Variants in CCDC73 observed in about 807,000 individuals in gnomAD.
CCDC73 encodes the protein coiled-coil domain-containing protein 73.
CCDC73 carries 95 observed loss-of-function variants against 116.5 expected under a neutral mutation model. The ratio of observed to expected loss-of-function variants is 0.82; its 90% CI spans 0.69 to 0.97. CCDC73 has a LOEUF of 0.97. CCDC73 is among the 50% of genes least tolerant of loss of function. The pLI, the probability that CCDC73 is intolerant of heterozygous loss-of-function variation, is 0.00. For synonymous variants in CCDC73, 398 were observed against 401.3 expected (o/e 0.99, Z 0.10); for missense variants, 1,066 against 1,206.8 (o/e 0.88, Z 1.73).
chr11:32,635,079 T>C (rs1232435381), intron 14 of CCDC73, among the ~76,000 whole-genome samples: 1 of 152,204 alleles, frequency 6.6e-6, no homozygotes, highest in Non-Finnish European at 1.5e-5. Flanking sequence ...CCAAGACCTA[T>C]ATGATAAAAA....
In CCDC73 at chr11:32,602,925, G is replaced by C. The variant is rs777936378; in HGVS notation, c.3126C>G (p.Ser1042Arg). The change falls in exon 18 of 18, where the codon AGC becomes AGG. Residue 1042 changes from serine to arginine, a missense_variant. By Grantham distance (110) the Ser-to-Arg change is moderately radical. Coordinates refer to ENST00000335185, the MANE Select transcript of CCDC73 (RefSeq NM_001008391.4). ...TTTTATTTAGTTGATTCGTAATGAG[G>C]CTCTGCCAGTCATCATCACCAGAAG... ...KNTSGDDDWQ[S>R]LITNQLNKSE... is the part of the protein sequence containing the mutation. 15 of 1,612,938 alleles carry C rather than the reference G, an allele frequency of 9.3e-6. No individual in the cohort carries two copies. Among genetic ancestry groups the C allele is most frequent in the Non-Finnish European group, 1.3e-5 (15 of 1,179,256 alleles).
At chr11:32,787,830 A>G (rs1319393109) in intron 1 of CCDC73, among the ~76,000 whole-genome samples, 4 of 152,212 alleles carry the variant, frequency 2.6e-5, no homozygotes, top group African/African-American at 7.2e-5. Flanking sequence ...CATGAATTAT[A>G]TGATCTGGGA....
intron 7 of CCDC73, chr11:32,682,118 T>G (rs1224785301): frequency 6.6e-6 from 1 of 151,872 alleles, no homozygotes; most frequent in Non-Finnish European, 1.5e-5. Context: ...TTCCATGTTT[T>G]TTTTTAAAGA....
chr11:32,665,341 C>G (rs563395807), intron 9 of CCDC73, among the ~76,000 whole-genome samples: 125 of 152,174 alleles, frequency 8.2e-4, no homozygotes, highest in African/African-American at 2.9e-3. Context: ...TCTGGGTGCT[C>G]CTGTATTGGG....
chr11:32,810,655 C>T, the CCDC73 span, among the ~76,000 whole-genome samples: 1 of 152,156 alleles, frequency 6.6e-6, no homozygotes, highest in East Asian at 1.9e-4. Flanking sequence ...TGTAACGTTT[C>T]TCAATTTTCT....
chr11:32,757,163 C>G (rs1850351267), intron 2 of CCDC73, among the ~76,000 whole-genome samples: 1 of 151,730 alleles, frequency 6.6e-6, no homozygotes, highest in South Asian at 2.1e-4. Context: ...CTCAAAAATA[C>G]TACACTGAGT....
chr11:32,644,159 A>G (rs1170494534), intron 12 of CCDC73, among the ~76,000 whole-genome samples: 1 of 152,218 alleles, frequency 6.6e-6, no homozygotes, highest in Non-Finnish European at 1.5e-5. Context: ...ACAGCCATAA[A>G]AAGAGTGAGA....
chr11:32,764,263 C>T (rs1397157020), intron 1 of CCDC73, among the ~76,000 whole-genome samples: 1 of 152,118 alleles, frequency 6.6e-6, no homozygotes, highest in Admixed American at 6.5e-5. Flanking sequence ...ATACAGAGAA[C>T]ACCACAAAGA....
chr11:32,789,608 C>T (rs954180222), intron 1 of CCDC73, among the ~76,000 whole-genome samples: 3 of 137,526 alleles, frequency 2.2e-5, no homozygotes, highest in East Asian at 5.4e-4. Flanking sequence ...CACATCTCTA[C>T]AAAAAAACAA....
rs1855289340 is a variant in CCDC73 at position 32,602,722 on chromosome 11, A to G, written c.*89T>C. On this transcript the variant is annotated 3_prime_UTR_variant, in exon 18 of 18. Coordinates refer to ENST00000335185, the MANE Select transcript of CCDC73 (RefSeq NM_001008391.4). ...TTGGAAAAGCAAAGACAAACTGTAG[A>G]GCTTTAAATACAACAGTCATTTTAT... The G allele has an allele frequency of 3.8e-6, 4 of 1,040,860 alleles. No individual in the cohort carries two copies. The highest frequency in any genetic ancestry group is 1.8e-5 in the South Asian group (1 of 56,906). The allele number at this position is 1,040,860 out of a possible 1,614,324, so 64.5% of individuals were successfully genotyped here.
chr11:32,767,746 GA>G (rs1267778249), intron 1 of CCDC73, among the ~76,000 whole-genome samples: 3 of 152,234 alleles, frequency 2.0e-5, no homozygotes, highest in Admixed American at 2.0e-4. Context: ...GGCCATCAGA[GA>G]AATGCAAATC....
intron 1 of CCDC73, among the ~76,000 whole-genome samples, chr11:32,780,072 G>A (rs966719049): frequency 1.3e-5 from 2 of 151,984 alleles, no homozygotes; most frequent in East Asian, 1.9e-4. Context: ...CCAGGAGTTC[G>A]AAACGAACCT....
At chr11:32,672,927 T>A (rs1029755564) in intron 9 of CCDC73, among the ~76,000 whole-genome samples, 1 of 152,196 alleles carries the variant, frequency 6.6e-6, no homozygotes, top group African/African-American at 2.4e-5. Flanking sequence ...CCAAGGAATA[T>A]ATAACCAATT....
At position 32,614,100 on chromosome 11, in the gene CCDC73, TAGG is replaced by T. The variant is rs1855450199; in HGVS notation, c.2215_2217del (p.Pro739del). ...ATAGTTTTTCCCCCAGGGCTTGAGTTAGGTTTCACCAACATAGACATACTATGG... is the reference window on the plus strand; with the variant it reads ...ATAGTTTTTCCCCCAGGGCTTGAGTTTTTCACCAACATAGACATACTATGG... On this transcript the variant is annotated inframe_deletion, in exon 16 of 18. Transcript: ENST00000335185. 6.2e-7 allele frequency: 1 copy of T among 1,613,598 alleles called. No individual in the cohort carries two copies. The highest frequency in any genetic ancestry group is 8.5e-7 in the Non-Finnish European group (1 of 1,179,892).
At chr11:32,608,608 T>C (rs1855384182) in intron 17 of CCDC73, among the ~76,000 whole-genome samples, 1 of 152,172 alleles carries the variant, frequency 6.6e-6, no homozygotes, top group Non-Finnish European at 1.5e-5. Flanking sequence ...TTATGGGGTC[T>C]AGAGGATGGT....
At chr11:32,817,312 T>A in the CCDC73 span, among the ~76,000 whole-genome samples, 5 of 152,380 alleles carry the variant, frequency 3.3e-5, no homozygotes, top group Admixed American at 1.3e-4. Flanking sequence ...TTCTGTGGCA[T>A]AAGTTGCTAA....
chr11:32,786,509 A>C (rs1850630652), intron 1 of CCDC73, among the ~76,000 whole-genome samples: 1 of 146,752 alleles, frequency 6.8e-6, no homozygotes, highest in African/African-American at 2.5e-5. Context: ...ACTTGTTATT[A>C]ATAAATATTT....
chr11:32,689,436 C>G (rs1856234225), intron 6 of CCDC73, among the ~76,000 whole-genome samples: 3 of 151,990 alleles, frequency 2.0e-5, no homozygotes, highest in Admixed American at 2.0e-4. Context: ...AATGAAGGAG[C>G]ATTAGCTGGT....
In CCDC73 at chr11:32,731,185, C is replaced by T. The variant is rs375668238; in HGVS notation, c.136-13038G>A. On this transcript the variant is annotated intron_variant, in intron 2 of 17. Transcript: ENST00000335185. ...GGAGCTTGGCTCACTGCTAGCACAG[C>T]AGTCTGAGATCAAACTGCAAGGTGG... Among the ~76,000 whole-genome samples the T allele has an allele frequency of 1.4e-4, 22 of 152,328 alleles. No individual in the cohort carries two copies. The South Asian group carries it at 4.1e-3, about 29-fold the overall frequency.
Sources: allele counts gnomAD v4.1 joint callset (sites outside exome capture counted in the v4.1 genomes callset), GRCh38; gene constraint gnomAD v4.1.1; transcripts MANE v1.5; gene names NCBI Gene and HGNC (gene_info 2026-07-23, HGNC 2026-07-21).